Variants in ANK3 observed in about 807,000 individuals in gnomAD.
ANK3 encodes the protein ankyrin 3.
Under a neutral mutation model 370.9 loss-of-function variants are expected in ANK3, and 57 were observed. The ratio of observed to expected loss-of-function variants is 0.15; its 90% CI spans 0.12 to 0.19. ANK3 has a LOEUF of 0.19. Among genes scored for constraint, ANK3 ranks in the 10% least tolerant of loss-of-function variants. The probability of loss-of-function intolerance (pLI) is 1.00; values close to 1 mark genes in which losing one functional copy is unlikely to be tolerated. For missense variants in ANK3, 4,439 were observed against 5,302.1 expected, an observed-to-expected ratio of 0.84 and a Z score of 5.06; for synonymous variants, 1,929 against 1,946.3, an observed-to-expected ratio of 0.99 and a Z score of 0.23.
intron 7 of ANK3, among the ~76,000 whole-genome samples, chr10:60,244,666 T>C (rs1037244856): frequency 6.6e-6 from 1 of 152,210 alleles, no homozygotes; most frequent in Non-Finnish European, 1.5e-5. Flanking sequence ...ATTTCTAGTA[T>C]ATATAGAAAC....
At chr10:60,173,745 T>C (rs2095853076) in intron 18 of ANK3, among the ~76,000 whole-genome samples, 1 of 152,292 alleles carries the variant, frequency 6.6e-6, no homozygotes, top group South Asian at 2.1e-4. Flanking sequence ...CAAGTTAGTC[T>C]TTTGCCTTCC....
intron 1 of ANK3, among the ~76,000 whole-genome samples, chr10:60,373,064 A>T (rs2060319158): frequency 6.6e-6 from 1 of 152,242 alleles, no homozygotes; most frequent in African/African-American, 2.4e-5. Flanking sequence ...TTTGAGTAAA[A>T]AGTGATCCTC....
intron 1 of ANK3, among the ~76,000 whole-genome samples, chr10:60,380,652 G>A (rs747812247): frequency 8.5e-5 from 13 of 152,110 alleles, no homozygotes; most frequent in Non-Finnish European, 1.6e-4. Flanking sequence ...TAACAGGACA[G>A]GTAAATTCTG....
intron 1 of ANK3, among the ~76,000 whole-genome samples, chr10:60,353,613 C>T (rs1410107854): frequency 1.3e-5 from 2 of 152,134 alleles, no homozygotes; most frequent in Admixed American, 1.3e-4. Flanking sequence ...GGCCCACTGC[C>T]CCAGCTGAAC....
rs747407117 is a variant in ANK3 at position 60,059,383 on chromosome 10, C to T, written c.12643G>A (p.Ala4215Thr). 1.9e-6 allele frequency: 3 copies of T among 1,614,098 alleles called. No homozygotes were observed. The South Asian group carries it at 3.3e-5, about 18-fold the overall frequency. Reference protein sequence around the residue: ...SSGNLESCAQARRVTGGLLDR... With the variant: ...SSGNLESCAQTRRVTGGLLDR... ...AGTAACCCACCAGTTACTCTTCGAGCTTGAGCGCAGGACTCTAGGTTTCCA... is the reference window on the plus strand; with the variant it reads ...AGTAACCCACCAGTTACTCTTCGAGTTTGAGCGCAGGACTCTAGGTTTCCA... The change falls in exon 41 of 44, where the codon GCT becomes ACT. Residue 4215 changes from alanine to threonine, a missense_variant. Ala to Thr is a moderately conservative substitution (Grantham distance 58). Around this residue, in one of 13 missense-constraint regions of ANK3, gnomAD observed 242 missense variants for 228.0 expected, o/e 1.06. Transcript: ENST00000280772.
chr10:60,239,041 T>C (rs1476985862), intron 7 of ANK3, among the ~76,000 whole-genome samples: 1 of 152,138 alleles, frequency 6.6e-6, no homozygotes. Context: ...CTTCACACAG[T>C]TGAGGCAGGA....
chr10:60,601,940 G>C (rs2078070020), intron 2 of ANK3, among the ~76,000 whole-genome samples: 1 of 152,132 alleles, frequency 6.6e-6, no homozygotes, highest in South Asian at 2.1e-4. Context: ...GATATGCTCA[G>C]TGAAGTACAG....
chr10:60,213,289 G>A (rs2096884465), intron 9 of ANK3, 123 bp downstream of exon 9: 1 of 599,720 alleles, frequency 1.7e-6, no homozygotes, highest in Non-Finnish European at 2.9e-6. Flanking sequence ...ATAAAGATCT[G>A]GTGAACATAA....
chr10:60,582,272 A>G (rs896741809), intron 2 of ANK3, among the ~76,000 whole-genome samples: 1 of 151,840 alleles, frequency 6.6e-6, no homozygotes, highest in Non-Finnish European at 1.5e-5. Flanking sequence ...AAGTATAATA[A>G]TAATAATAAG....
At chr10:60,616,561 T>C (rs2078270430) in intron 1 of ANK3, among the ~76,000 whole-genome samples, 8 of 152,170 alleles carry the variant, frequency 5.3e-5, no homozygotes, top group Admixed American at 5.2e-4. Context: ...CATCCTAATC[T>C]ACCTATTTAC....
At chr10:60,486,503 C>T (rs542084581) in intron 2 of ANK3, among the ~76,000 whole-genome samples, 49 of 152,234 alleles carry the variant, frequency 3.2e-4, no homozygotes, top group African/African-American at 1.1e-3. Context: ...TCACTTGAAC[C>T]CAGGAGGCAG....
intron 2 of ANK3, among the ~76,000 whole-genome samples, chr10:60,612,546 C>T (rs187339847): frequency 0.012 from 1,882 of 152,250 alleles, 32 homozygotes; most frequent in Middle Eastern, 0.048. Context: ...GGCTGGAGTG[C>T]AGTGGCGCGA....
chr10:60,445,122 AAAAACGAT>A, intron 2 of ANK3, among the ~76,000 whole-genome samples: 1 of 152,226 alleles, frequency 6.6e-6, no homozygotes, highest in Non-Finnish European at 1.5e-5. Context: ...CTATGTTTTA[AAAAACGAT>A]AAAACAGTTC....
chr10:60,538,969 G>A (rs1052074748), intron 2 of ANK3, among the ~76,000 whole-genome samples: 5 of 151,618 alleles, frequency 3.3e-5, no homozygotes, highest in East Asian at 1.9e-4. Flanking sequence ...CTGTTTCCAC[G>A]AAGTTCTTTA....
chr10:60,039,972 C>G (rs1400389501), intron 43 of ANK3, among the ~76,000 whole-genome samples: 1 of 152,170 alleles, frequency 6.6e-6, no homozygotes, highest in Non-Finnish European at 1.5e-5. Flanking sequence ...TTTGAGCTGT[C>G]CGAGCCTTAA....
At chr10:60,507,582 C>A (rs539103060) in intron 2 of ANK3, 35 of 151,868 alleles carry the variant, frequency 2.3e-4, no homozygotes, top group South Asian at 2.1e-4. Context: ...AAAAGAACAG[C>A]AAAGAAAACC....
intron 8 of ANK3, among the ~76,000 whole-genome samples, chr10:60,220,196 A>T (rs1005128544): frequency 6.6e-6 from 1 of 151,778 alleles, no homozygotes; most frequent in African/African-American, 2.4e-5. Flanking sequence ...CAGTACAGTG[A>T]TTTTTTTTTA....
intron 43 of ANK3, among the ~76,000 whole-genome samples, chr10:60,036,422 ATTTTTTTTTTTT>A (rs563946588): frequency 0.015 from 1,089 of 72,330 alleles, 51 homozygotes; most frequent in African/African-American, 0.071. Context: ...GTCAGAGGCA[ATTTTTTTTTTTT>A]TTTTTTTTTT....
intron 2 of ANK3, among the ~76,000 whole-genome samples, chr10:60,451,317 G>A (rs1248737726): frequency 6.6e-6 from 1 of 152,154 alleles, no homozygotes; most frequent in Non-Finnish European, 1.5e-5. Flanking sequence ...ACTTGCTATG[G>A]CAACCCTTGG....
Sources: gnomAD v4.1 joint callset for allele counts (sites outside exome capture counted in the v4.1 genomes callset) on GRCh38, gnomAD v4.1.1 for gene constraint, gnomAD v4.1.1 regional missense constraint, MANE v1.5 for transcripts, NCBI Gene and HGNC (gene_info 2026-07-23, HGNC 2026-07-21) for gene names.